Variants in ZNF407 observed in about 807,000 individuals in gnomAD.
The protein encoded by ZNF407 is zinc finger protein 407.
A neutral mutation model predicts 131.2 loss-of-function variants in ZNF407; 17 were observed. The ratio of observed to expected loss-of-function variants is 0.13; its 90% CI spans 0.09 to 0.19. ZNF407 has a LOEUF of 0.19. ZNF407 is among the 10% of genes least tolerant of loss of function. The probability of loss-of-function intolerance (pLI) is 1.00; values close to 1 mark genes in which losing one functional copy is unlikely to be tolerated. For missense variants in ZNF407, 2,681 were observed against 2,830.6 expected (o/e 0.95, Z 1.20); for synonymous variants, 1,156 against 1,062.0 (o/e 1.09, Z -1.72).
intron 1 of ZNF407, among the ~76,000 whole-genome samples, chr18:74,616,859 A>G (rs1425932524): frequency 0.085 from 7,952 of 93,510 alleles, 274 homozygotes; most frequent in African/African-American, 0.13. Flanking sequence ...CCATATCCAC[A>G]CACCACACGC....
At chr18:74,771,989 A>G (rs1048197910) in intron 3 of ZNF407, among the ~76,000 whole-genome samples, 2 of 152,126 alleles carry the variant, frequency 1.3e-5, no homozygotes, top group Non-Finnish European at 2.9e-5. Flanking sequence ...TAGTAGTTTC[A>G]TTTTTCTTAC....
chr18:75,031,797 T>C (rs142950632), intron 8 of ZNF407, among the ~76,000 whole-genome samples: 43 of 152,326 alleles, frequency 2.8e-4, no homozygotes, highest in Non-Finnish European at 5.6e-4. Context: ...TTCCAGGAAT[T>C]GTGGGCAATT....
chr18:74,645,511 G>C (rs1430205639), intron 3 of ZNF407, among the ~76,000 whole-genome samples: 1 of 152,088 alleles, frequency 6.6e-6, no homozygotes, highest in African/African-American at 2.4e-5. Context: ...TTCTAAATCT[G>C]TGACATCTGG....
intron 3 of ZNF407, among the ~76,000 whole-genome samples, chr18:74,749,210 T>C (rs899837168): frequency 1.3e-5 from 2 of 152,174 alleles, no homozygotes; most frequent in African/African-American, 4.8e-5. Context: ...CAGAATATTA[T>C]ACACAGCCAT....
At chr18:75,061,238 A>G (rs969766746) in intron 8 of ZNF407, 1 of 152,260 alleles carries the variant, frequency 6.6e-6, no homozygotes, top group African/African-American at 2.4e-5. Flanking sequence ...AGATTAAAGC[A>G]GAATATCTCA....
chr18:74,641,280 G>T (rs1984703213), intron 3 of ZNF407, among the ~76,000 whole-genome samples, 158 bp downstream of exon 3: 1 of 152,088 alleles, frequency 6.6e-6, no homozygotes, highest in African/African-American at 2.4e-5. Context: ...ATACAGTTAT[G>T]ACATTCTTCT....
intron 1 of ZNF407, chr18:74,598,269 C>T (rs925788937): frequency 2.0e-5 from 3 of 152,306 alleles, no homozygotes; most frequent in African/African-American, 4.8e-5. Context: ...CAGCCTCGCT[C>T]CGCGCCCTTG....
intron 1 of ZNF407, among the ~76,000 whole-genome samples, chr18:74,617,189 G>GCACCACACACATCCGTATCCAC (rs1983352930): frequency 4.7e-5 from 1 of 21,290 alleles, no homozygotes. Flanking sequence ...CACACACATC[G>GCACCACACACATCCGTATCCAC]ACACACTTTA....
intron 3 of ZNF407, among the ~76,000 whole-genome samples, chr18:74,779,116 T>TTTTTA (rs1969543954): frequency 1.2e-5 from 1 of 83,006 alleles, no homozygotes. Context: ...TATATTTTTT[T>TTTTTA]TTTTTTTTTT....
intron 8 of ZNF407, among the ~76,000 whole-genome samples, chr18:75,047,237 A>G (rs1278664048): frequency 6.6e-6 from 1 of 152,226 alleles, no homozygotes. Context: ...GACGATGTCA[A>G]AAATAGGAAC....
chr18:74,957,678 G>A (rs527575048), intron 8 of ZNF407, among the ~76,000 whole-genome samples: 3 of 152,258 alleles, frequency 2.0e-5, no homozygotes, highest in Admixed American at 1.3e-4. Flanking sequence ...ATTATGAGAG[G>A]AAGGAAGGTA....
At chr18:74,790,400 T>A (rs1023963141) in intron 4 of ZNF407, among the ~76,000 whole-genome samples, 2 of 152,226 alleles carry the variant, frequency 1.3e-5, no homozygotes, top group Non-Finnish European at 2.9e-5. Context: ...TGTGACAAAT[T>A]AATTTTTAAA....
intron 3 of ZNF407, among the ~76,000 whole-genome samples, chr18:74,760,846 A>G (rs1012373247): frequency 1.3e-5 from 2 of 152,174 alleles, no homozygotes; most frequent in African/African-American, 4.8e-5. Context: ...TGAGATTGGA[A>G]TAAGTTCAAG....
chr18:74,896,939 T>G (rs1476755482), intron 7 of ZNF407, among the ~76,000 whole-genome samples: 5 of 152,206 alleles, frequency 3.3e-5, no homozygotes, highest in African/African-American at 1.2e-4. Flanking sequence ...CTCTGCCCAT[T>G]TCATTAGTGA....
At chr18:74,777,153 A>G (rs900388770) in intron 3 of ZNF407, among the ~76,000 whole-genome samples, 1 of 152,190 alleles carries the variant, frequency 6.6e-6, no homozygotes, top group Non-Finnish European at 1.5e-5. Context: ...TAAAGGACTG[A>G]AGAAATAGGT....
intron 1 of ZNF407, among the ~76,000 whole-genome samples, chr18:74,605,901 T>C (rs1465532740): frequency 6.6e-6 from 1 of 152,220 alleles, no homozygotes; most frequent in Non-Finnish European, 1.5e-5. Flanking sequence ...AGATTCTAGT[T>C]CCTGGACCGT....
chr18:74,640,856 T>A (rs1984680419), intron 2 of ZNF407, among the ~76,000 whole-genome samples, 152 bp from the exon 3 acceptor site: 1 of 152,218 alleles, frequency 6.6e-6, no homozygotes, highest in African/African-American at 2.4e-5. Context: ...GAATCAGGTC[T>A]ATTCAAGTTA....
chr18:74,800,508 G>A (rs1349435762), intron 4 of ZNF407, among the ~76,000 whole-genome samples: 2 of 151,962 alleles, frequency 1.3e-5, no homozygotes, highest in African/African-American at 4.8e-5. Context: ...TTGCTTAACG[G>A]AAATGAACGT....
chr18:74,788,159 A>AT (rs1969756438), intron 4 of ZNF407, among the ~76,000 whole-genome samples: 1 of 151,978 alleles, frequency 6.6e-6, no homozygotes, highest in Non-Finnish European at 1.5e-5. Flanking sequence ...AGTTTTATTT[A>AT]TTTTTTCCTT....
Sources: gnomAD v4.1 joint callset for allele counts (sites outside exome capture counted in the v4.1 genomes callset) on GRCh38, gnomAD v4.1.1 for gene constraint, MANE v1.5 for transcripts, NCBI Gene and HGNC (gene_info 2026-07-23, HGNC 2026-07-21) for gene names.